APLP2: variants seen among roughly 807,000 people sequenced by gnomAD.
APLP2 encodes the protein amyloid beta precursor like protein 2.
APLP2 carries 53 observed loss-of-function variants against 89.9 expected under a neutral mutation model. The observed-to-expected ratio is 0.59, with a 90% CI of 0.47 to 0.74. The LOEUF is 0.74. Ranked by LOEUF, APLP2 falls within the 30% of genes least tolerant of loss-of-function variation. The probability of loss-of-function intolerance (pLI) is 0.00; values close to 1 mark genes in which losing one functional copy is unlikely to be tolerated. For synonymous variants in APLP2, 372 were observed against 348.6 expected (o/e 1.07, Z -0.75); for missense variants, 973 against 975.9 (o/e 1.00, Z 0.04).
At chr11:130,142,268 A>G (rs570360806) in intron 16 of APLP2, among the ~76,000 whole-genome samples, 194 bp downstream of exon 16, 2 of 152,278 alleles carry the variant, frequency 1.3e-5, no homozygotes, top group East Asian at 1.9e-4. Flanking sequence ...CCAACTTTCA[A>G]CATTAGTTTG....
chr11:130,083,026 C>CTTTTTTTTTTTTTTTTTTTTT lies in APLP2; in HGVS notation c.105+12951_105+12971dup, dbSNP rs553962550. 5.8e-4 allele frequency among the ~76,000 whole-genome samples: 42 copies of CTTTTTTTTTTTTTTTTTTTTT among 72,526 alleles called. 5 individuals are homozygous for CTTTTTTTTTTTTTTTTTTTTT. The highest frequency in any genetic ancestry group is 1.3e-3 in the African/African-American group (20 of 15,894). The allele number at this position is 72,526 out of a possible 152,430, so 47.6% of individuals were successfully genotyped here. On this transcript the variant is annotated intron_variant, in intron 1 of 16. Transcript: ENST00000338167. ...TATTAACCACTGAAACTTTTCTTTT[C>CTTTTTTTTTTTTTTTTTTTTT]TTTTTTTTTTTTTTTTTTTTTTTTT...
intron 1 of APLP2, among the ~76,000 whole-genome samples, chr11:130,089,572 C>T (rs1397036592): frequency 1.3e-5 from 2 of 152,200 alleles, no homozygotes; most frequent in African/African-American, 4.8e-5. Flanking sequence ...TCCCTAAATA[C>T]ACATGTTGAG....
At chr11:130,118,521 T>C in intron 3 of APLP2, among the ~76,000 whole-genome samples, 1 of 152,210 alleles carries the variant, frequency 6.6e-6, no homozygotes, top group East Asian at 1.9e-4. Flanking sequence ...GCATATACTT[T>C]TCCTTTAGCA....
chr11:130,104,006 G>C (rs377454988), intron 1 of APLP2, among the ~76,000 whole-genome samples: 1 of 151,972 alleles, frequency 6.6e-6, no homozygotes, highest in African/African-American at 2.4e-5. Context: ...ATGTCTTCTT[G>C]GATTTTCTTC....
Position 130,141,557 on chromosome 11 carries a change from C to T in APLP2, c.1983C>T (p.Gly661=), listed in dbSNP as rs746436295. The T allele has an allele frequency of 6.2e-7, 1 of 1,613,868 alleles. No individual in the cohort carries two copies. Among genetic ancestry groups the T allele is most frequent in the South Asian group, 1.1e-5 (1 of 91,070 alleles). ...TTTTCAATGCCGAGAGAGTTGGAGG[C>T]CTCGAGGAAGAGCGGGTACGTGTTT... ...EMIFNAERVG[G]LEEERESVGP... The change falls in exon 15 of 17, where the codon GGC becomes GGT. Residue 661 remains glycine, a synonymous_variant. Coordinates refer to ENST00000338167, the MANE Select transcript of APLP2 (RefSeq NM_001142276.2). The surrounding 1 kb of genome is among the most constrained non-coding windows in gnomAD (Gnocchi z 4.2).
chr11:130,080,424 C>G (rs1942945387), intron 1 of APLP2, among the ~76,000 whole-genome samples: 1 of 151,974 alleles, frequency 6.6e-6, no homozygotes, highest in South Asian at 2.1e-4. Context: ...AGGCTGGTCT[C>G]AAACTCCTGA....
chr11:130,109,488 T>C lies in APLP2; in HGVS notation c.165T>C (p.Phe55=). The C allele has an allele frequency of 1.9e-6, 3 of 1,614,022 alleles. No homozygotes were observed. Among genetic ancestry groups the C allele is most frequent in the Non-Finnish European group, 2.5e-6 (3 of 1,179,940 alleles). The change falls in exon 2 of 17, where the codon TTT becomes TTC. Residue 55 remains phenylalanine (F), a synonymous_variant. Coordinates refer to ENST00000338167, the MANE Select transcript of APLP2 (RefSeq NM_001142276.2). ...FAVAEPQIAM[F]CGKLNMHVNI... is the part of the protein sequence containing the mutation. ...TTGCTGAGCCTCAAATCGCAATGTTTTGTGGGAAGTTAAATATGCATGTGA... is the reference window on the plus strand; with the variant it reads ...TTGCTGAGCCTCAAATCGCAATGTTCTGTGGGAAGTTAAATATGCATGTGA...
intron 1 of APLP2, among the ~76,000 whole-genome samples, chr11:130,075,139 G>A (rs1056221297): frequency 1.3e-5 from 2 of 152,108 alleles, no homozygotes; most frequent in African/African-American, 4.8e-5. Context: ...CCTAAGCATC[G>A]TGAAGTCTTT....
chr11:130,093,555 C>T (rs1242877556), intron 1 of APLP2, among the ~76,000 whole-genome samples: 1 of 152,026 alleles, frequency 6.6e-6, no homozygotes, highest in Non-Finnish European at 1.5e-5. Context: ...GAAGGTCAAT[C>T]TAGGAGGTCT....
At position 130,141,609 on chromosome 11, in the gene APLP2, AATCTTAGGTAT is replaced by A; in HGVS notation, c.1998+38_1998+48del. The stretch of plus-strand genomic sequence containing the variant: ...GCTCCAGAACCTAAGGTTTCCTGCC[AATCTTAGGTAT>A]TTCTCCTCTGGACCTTCTCAGTTCA... On this transcript the variant is annotated intron_variant, in intron 15 of 16. Transcript: ENST00000338167. The surrounding 1 kb of genome is among the most constrained non-coding windows in gnomAD (Gnocchi z 4.2). The A allele has an allele frequency of 2.5e-6, 4 of 1,576,254 alleles. No individual in the cohort carries two copies. The highest frequency in any genetic ancestry group is 3.5e-6 in the Non-Finnish European group (4 of 1,146,194).
At chr11:130,143,274 G>A in intron 16 of APLP2, 73 bp from the exon 17 acceptor site, 1 of 1,384,844 alleles carries the variant, frequency 7.2e-7, no homozygotes, top group Non-Finnish European at 1.0e-6. Context: ...GCAGCAAATG[G>A]CTCAGGTCTC....
In APLP2 at chr11:130,083,026, C is replaced by CTTT. The variant is rs553962550; in HGVS notation, c.105+12969_105+12971dup. On this transcript the variant is annotated intron_variant, in intron 1 of 16. Transcript: ENST00000338167. Reference sequence around the variant, plus strand: ...TATTAACCACTGAAACTTTTCTTTTCTTTTTTTTTTTTTTTTTTTTTTTTT... The same window carrying CTTT: ...TATTAACCACTGAAACTTTTCTTTTCTTTTTTTTTTTTTTTTTTTTTTTTTTTT... Among the ~76,000 whole-genome samples the CTTT allele has an allele frequency of 3.5e-3, 256 of 72,472 alleles. 5 individuals are homozygous for CTTT. The highest frequency in any genetic ancestry group is 7.6e-3 in the East Asian group (16 of 2,112). 47.5% of individuals were successfully genotyped at this position (72,472 alleles called of 152,430 possible). A position where few individuals can be genotyped will look rare whatever the true frequency, so the allele number is the denominator to read the frequency against.
At chr11:130,070,175 C>CAGCGGGGTCCG in intron 1 of APLP2, 93 bp downstream of exon 1, 1 of 803,966 alleles carries the variant, frequency 1.2e-6, no homozygotes, top group African/African-American at 1.8e-5. Flanking sequence ...GCAGGGCGGG[C>CAGCGGGGTCCG]CGGCGGTGCG....
intron 12 of APLP2, among the ~76,000 whole-genome samples, 191 bp downstream of exon 12, chr11:130,133,919 G>A (rs1031157801): frequency 3.3e-5 from 5 of 152,232 alleles, no homozygotes; most frequent in African/African-American, 1.2e-4. Flanking sequence ...AAGGACAGGT[G>A]CACTGGCTGT....
At chr11:130,138,477 C>A (rs1226924613) in intron 13 of APLP2, among the ~76,000 whole-genome samples, 1 of 149,826 alleles carries the variant, frequency 6.7e-6, no homozygotes, top group African/African-American at 2.5e-5. Context: ...TGAGTTGGGA[C>A]AATTTAAACA....
rs1949841728 is a variant in APLP2, at chr11:130,121,721, T to G, written c.624T>G (p.Ile208Met). 6.2e-7 allele frequency: 1 copy of G among 1,613,988 alleles called. No individual in the cohort carries two copies. The highest frequency in any genetic ancestry group is 1.1e-5 in the South Asian group (1 of 91,072). Reference protein sequence around the residue: ...TEYVCCPQTKIIGSVSKEEEE... With the variant: ...TEYVCCPQTKMIGSVSKEEEE... ...ATGTGTGCTGCCCTCAGACAAAGAT[T>G]ATTGGATCTGTGTCAAAAGAAGAGG... The change falls in exon 5 of 17, where the codon ATT becomes ATG. Residue 208 changes from isoleucine (I) to methionine (M), a missense_variant. Physicochemically the swap from Ile to Met is conservative, Grantham distance 10. Coordinates refer to ENST00000338167, the MANE Select transcript of APLP2 (RefSeq NM_001142276.2).
At chr11:130,111,832 A>C (rs538565409) in intron 3 of APLP2, among the ~76,000 whole-genome samples, 1 of 152,198 alleles carries the variant, frequency 6.6e-6, no homozygotes, top group Non-Finnish European at 1.5e-5. Flanking sequence ...TCGTTAAAAA[A>C]GTTCTCAAAC....
intron 16 of APLP2, among the ~76,000 whole-genome samples, chr11:130,142,674 C>T (rs747097999): frequency 4.6e-5 from 7 of 152,034 alleles, no homozygotes; most frequent in Non-Finnish European, 1.0e-4. Context: ...AGTGCAGTGG[C>T]GCGATCTCAG....
intron 1 of APLP2, among the ~76,000 whole-genome samples, chr11:130,088,971 A>G (rs901022984): frequency 1.3e-5 from 2 of 151,964 alleles, no homozygotes; most frequent in Non-Finnish European, 2.9e-5. Context: ...TCTGGTGGAC[A>G]AAAAACGCGG....
Sources: gnomAD v4.1 joint callset for allele counts (sites outside exome capture counted in the v4.1 genomes callset) on GRCh38, gnomAD v4.1.1 for gene constraint, Gnocchi (gnomAD v3.1) non-coding constraint, MANE v1.5 for transcripts, NCBI Gene and HGNC (gene_info 2026-07-23, HGNC 2026-07-21) for gene names.